The following GRID2 variants were observed in gnomAD, a reference collection of about 807,000 sequenced individuals.
The protein encoded by GRID2 is glutamate ionotropic receptor delta type subunit 2.
A neutral mutation model predicts 114.8 loss-of-function variants in GRID2; 33 were observed. The observed-to-expected ratio is 0.29, with a 90% CI of 0.22 to 0.38. The LOEUF (loss-of-function observed/expected upper bound fraction) is 0.38. Among genes scored for constraint, GRID2 ranks in the 10% least tolerant of loss-of-function variants. The pLI, the probability that GRID2 is intolerant of heterozygous loss-of-function variation, is 1.00. For missense variants in GRID2, 1,184 were observed against 1,257.7 expected (o/e 0.94, Z 0.89); for synonymous variants, 505 against 449.9 (o/e 1.12, Z -1.55).
At chr4:92,959,405 ATT>A (rs749965402) in intron 2 of GRID2, among the ~76,000 whole-genome samples, 1 of 148,804 alleles carries the variant, frequency 6.7e-6, no homozygotes, top group African/African-American at 2.5e-5. Flanking sequence ...ATGTAGTTCA[ATT>A]TTTTTTTTAA....
chr4:92,369,488 G>C (rs1729019261), intron 1 of GRID2, among the ~76,000 whole-genome samples: 1 of 152,114 alleles, frequency 6.6e-6, no homozygotes, highest in Non-Finnish European at 1.5e-5. Context: ...ACAGATGCTT[G>C]TTTACAAGGC....
intron 1 of GRID2, among the ~76,000 whole-genome samples, chr4:92,423,275 A>G (rs1731995039): frequency 6.6e-6 from 1 of 152,112 alleles, no homozygotes; most frequent in Non-Finnish European, 1.5e-5. Flanking sequence ...GATCATCCTA[A>G]TTTTTTTAGC....
intron 2 of GRID2, among the ~76,000 whole-genome samples, chr4:92,846,194 G>A (rs887514831): frequency 8.6e-5 from 13 of 152,006 alleles, no homozygotes; most frequent in African/African-American, 3.1e-4. Context: ...AGGTTCAGGG[G>A]CTACATATGC....
At chr4:93,090,882 C>A (rs80199625) in intron 3 of GRID2, among the ~76,000 whole-genome samples, 2,458 of 152,222 alleles carry the variant, frequency 0.016, 72 homozygotes, top group African/African-American at 0.056. Context: ...CCTCCTCGCC[C>A]TCTGGTAACG....
chr4:92,942,819 T>C (rs1235452409), intron 2 of GRID2, among the ~76,000 whole-genome samples: 1 of 152,206 alleles, frequency 6.6e-6, no homozygotes, highest in Non-Finnish European at 1.5e-5. Flanking sequence ...TATTTCTCCT[T>C]CGCTTATGAA....
intron 1 of GRID2, among the ~76,000 whole-genome samples, chr4:92,314,166 A>C (rs920365175): frequency 6.6e-6 from 1 of 152,044 alleles, no homozygotes; most frequent in Non-Finnish European, 1.5e-5. Context: ...AATTAACCTG[A>C]GAGACAAGTT....
chr4:92,505,035 G>T (rs1723885575), intron 1 of GRID2, among the ~76,000 whole-genome samples: 1 of 151,928 alleles, frequency 6.6e-6, no homozygotes, highest in African/African-American at 2.4e-5. Context: ...AAGAGAAAAT[G>T]TAACTTAAGA....
At chr4:92,456,327 G>A (rs1368526907) in intron 1 of GRID2, among the ~76,000 whole-genome samples, 1 of 151,996 alleles carries the variant, frequency 6.6e-6, no homozygotes, top group Non-Finnish European at 1.5e-5. Flanking sequence ...AGTAGAATGG[G>A]AAAATGCACT....
intron 9 of GRID2, among the ~76,000 whole-genome samples, chr4:93,410,176 T>G (rs1037386282): frequency 3.3e-5 from 5 of 152,172 alleles, no homozygotes; most frequent in Admixed American, 1.3e-4. Flanking sequence ...GAACGTAAAG[T>G]GATAAGGATG....
chr4:93,453,316 AAGAGAGAGAGAGAG>A (rs3044025), intron 10 of GRID2, among the ~76,000 whole-genome samples: 32,772 of 127,256 alleles, frequency 0.26, 4,701 homozygotes, highest in Non-Finnish European at 0.34. Context: ...AGAGATGGGA[AAGAGAGAGAGAGAG>A]AGAGAGAGAG....
At chr4:92,735,553 A>G (rs1183699391) in intron 2 of GRID2, among the ~76,000 whole-genome samples, 1 of 152,152 alleles carries the variant, frequency 6.6e-6, no homozygotes, top group Non-Finnish European at 1.5e-5. Flanking sequence ...ACAAAAGGAA[A>G]TAAAAGTATA....
intron 2 of GRID2, among the ~76,000 whole-genome samples, chr4:92,944,874 T>G (rs1751501625): frequency 6.6e-6 from 1 of 152,216 alleles, no homozygotes; most frequent in Non-Finnish European, 1.5e-5. Context: ...CCTTATATAT[T>G]TTAAATGTAT....
chr4:93,431,439 TAAG>T (rs1769397679), intron 10 of GRID2, among the ~76,000 whole-genome samples: 1 of 151,956 alleles, frequency 6.6e-6, no homozygotes, highest in Admixed American at 6.6e-5. Context: ...TGAAAAAAAA[TAAG>T]AAAGTTTCAA....
intron 1 of GRID2, among the ~76,000 whole-genome samples, chr4:93,798,299 A>C (rs1456848237): frequency 1.3e-5 from 2 of 152,094 alleles, no homozygotes; most frequent in African/African-American, 2.4e-5. Context: ...AGTCTTTCCA[A>C]ATAATCTTAT....
intron 2 of GRID2, among the ~76,000 whole-genome samples, chr4:92,796,294 G>A (rs113500845): frequency 5.3e-5 from 8 of 151,828 alleles, no homozygotes; most frequent in African/African-American, 1.9e-4. Context: ...GGGTGGCCTG[G>A]GACATTGTCC....
intron 14 of GRID2, among the ~76,000 whole-genome samples, chr4:93,723,036 A>T (rs1289577986): frequency 6.6e-6 from 1 of 152,168 alleles, no homozygotes; most frequent in African/African-American, 2.4e-5. Flanking sequence ...TACTGTTTTT[A>T]TGATTTTCTC....
intron 8 of GRID2, among the ~76,000 whole-genome samples, chr4:93,380,039 A>C (rs921351368): frequency 2.0e-5 from 3 of 152,120 alleles, no homozygotes; most frequent in Admixed American, 2.0e-4. Flanking sequence ...TGCGAAAAAC[A>C]AAAAGTATGT....
In GRID2 at chr4:93,613,868, T is replaced by C. The variant is rs1179099484; in HGVS notation, c.2194-12401T>C. Reference sequence around the variant, plus strand: ...GTTCGAGCTTCCAGGCTGCTTTGTTTACCTAAGCAAGCCTGGGCAATGGCG... The same window carrying C: ...GTTCGAGCTTCCAGGCTGCTTTGTTCACCTAAGCAAGCCTGGGCAATGGCG... On this transcript the variant is annotated intron_variant, in intron 13 of 15. Coordinates refer to ENST00000282020, the MANE Select transcript of GRID2 (RefSeq NM_001510.4). 9.9e-5 allele frequency among the ~76,000 whole-genome samples: 15 copies of C among 151,904 alleles called. No homozygotes were observed. In the South Asian group the frequency reaches 2.3e-3, roughly 23 times the overall value.
chr4:93,081,299 G>A (rs1729846387), intron 2 of GRID2, among the ~76,000 whole-genome samples: 1 of 152,170 alleles, frequency 6.6e-6, no homozygotes, highest in Non-Finnish European at 1.5e-5. Context: ...TTTTCAGTAA[G>A]AGGTAATAAA....
Sources: gnomAD v4.1 joint callset for allele counts (sites outside exome capture counted in the v4.1 genomes callset) on GRCh38, gnomAD v4.1.1 for gene constraint, MANE v1.5 for transcripts, NCBI Gene and HGNC (gene_info 2026-07-23, HGNC 2026-07-21) for gene names.